The following SYT7 variants were observed in gnomAD, a reference collection of about 807,000 sequenced individuals.
The protein encoded by SYT7 is synaptotagmin-7.
SYT7 carries 29 observed loss-of-function variants against 75.1 expected under a neutral mutation model. The ratio of observed to expected loss-of-function variants is 0.39; its 90% CI spans 0.29 to 0.53. SYT7 has a LOEUF of 0.53. SYT7 is among the 20% of genes least tolerant of loss of function. The pLI is 0.77. For synonymous variants in SYT7, 376 were observed against 401.7 expected (o/e 0.94, Z 0.76); for missense variants, 693 against 953.2 (o/e 0.73, Z 3.59).
intron 1 of SYT7, among the ~76,000 whole-genome samples, chr11:61,557,640 C>A (rs2135357253): frequency 6.6e-6 from 1 of 152,354 alleles, no homozygotes; most frequent in African/African-American, 2.4e-5. Context: ...GAGGCTCCCA[C>A]CTGTCCACCT....
chr11:61,578,332 C>T (rs754049640), intron 1 of SYT7, among the ~76,000 whole-genome samples: 2 of 151,460 alleles, frequency 1.3e-5, no homozygotes, highest in Non-Finnish European at 2.9e-5. Context: ...TCTTCTGGAA[C>T]CAGCATGAGG....
chr11:61,554,937 T>G, intron 2 of SYT7, among the ~76,000 whole-genome samples: 1 of 152,234 alleles, frequency 6.6e-6, no homozygotes, highest in East Asian at 1.9e-4. Context: ...TGGAGCCGCA[T>G]GCTCCCAAGT....
intron 1 of SYT7, among the ~76,000 whole-genome samples, chr11:61,562,575 A>G (rs867145734): frequency 6.6e-6 from 1 of 152,218 alleles, no homozygotes. Flanking sequence ...ATGGTGGTAA[A>G]TGAAATACTG....
intron 12 of SYT7, among the ~76,000 whole-genome samples, chr11:61,521,645 T>A (rs1264130803): frequency 6.6e-6 from 1 of 152,164 alleles, no homozygotes; most frequent in Admixed American, 6.5e-5. Flanking sequence ...TTCCCATCTG[T>A]CTGAGGGTTG....
rs370962448 is a variant in SYT7 at position 61,550,060 on chromosome 11, G to A, written c.215+1324C>T. On this transcript the variant is annotated intron_variant, in intron 3 of 12. Transcript: ENST00000539008. ...GTGCTCCCTCGCCTTCAGAAAGCCC[G>A]GGCCTGCACTCTGCAAGAGCCCCTG... 6.4e-4 allele frequency among the ~76,000 whole-genome samples: 97 copies of A among 152,296 alleles called. No homozygotes were observed. In the East Asian group the frequency reaches 0.014, roughly 22 times the overall value.
intron 1 of SYT7, among the ~76,000 whole-genome samples, chr11:61,562,522 G>A (rs931429638): frequency 7.9e-5 from 12 of 152,166 alleles, no homozygotes; most frequent in African/African-American, 2.7e-4. Context: ...TTATCACATC[G>A]TGCCCTGGAT....
chr11:61,545,664 C>A (rs1232177164), intron 5 of SYT7, among the ~76,000 whole-genome samples: 1 of 152,190 alleles, frequency 6.6e-6, no homozygotes, highest in East Asian at 1.9e-4. Flanking sequence ...GATGGAACAA[C>A]CACAGGCCTG....
At chr11:61,574,804 T>G (rs541979605) in intron 1 of SYT7, among the ~76,000 whole-genome samples, 1 of 152,186 alleles carries the variant, frequency 6.6e-6, no homozygotes, top group East Asian at 1.9e-4. Flanking sequence ...CTCTCTGGCC[T>G]CGCTGACACC....
At chr11:61,575,522 C>T (rs1159167578) in intron 1 of SYT7, among the ~76,000 whole-genome samples, 2 of 152,316 alleles carry the variant, frequency 1.3e-5, no homozygotes, top group East Asian at 3.9e-4. Context: ...TTGTATCTTA[C>T]ACATGAAAGC....
chr11:61,584,272 G>A (rs2064338739), upstream of SYT7, among the ~76,000 whole-genome samples: 1 of 151,904 alleles, frequency 6.6e-6, no homozygotes, highest in African/African-American at 2.4e-5. Context: ...GCATGCGCCT[G>A]TAATCCTAGC....
chr11:61,517,521 A>G lies in SYT7; in HGVS notation c.*1106T>C, dbSNP rs964358447. The G allele has an allele frequency of 7.5e-6, 3 of 399,138 alleles. No homozygotes were observed. The highest frequency in any genetic ancestry group is 1.3e-5 in the Non-Finnish European group (3 of 226,534). 24.7% of individuals were successfully genotyped at this position (399,138 alleles called of 1,614,324 possible). On this transcript the variant is annotated 3_prime_UTR_variant, in exon 13 of 13. Coordinates refer to ENST00000539008, the MANE Select transcript of SYT7 (RefSeq NM_001365809.2). Reference sequence around the variant, plus strand: ...ATGGAAGGTCTACAAGCATTGGGGGATGGAGGGGTGGAGGAAAGAAGGGTG... The same window carrying G: ...ATGGAAGGTCTACAAGCATTGGGGGGTGGAGGGGTGGAGGAAAGAAGGGTG...
chr11:61,532,475 C>T (rs765400332), intron 8 of SYT7, among the ~76,000 whole-genome samples: 1 of 152,110 alleles, frequency 6.6e-6, no homozygotes, highest in East Asian at 1.9e-4. Flanking sequence ...TCAGAGGAGC[C>T]GGGACCAGTG....
intron 5 of SYT7, among the ~76,000 whole-genome samples, chr11:61,545,467 G>C (rs968914078): frequency 6.6e-6 from 1 of 152,246 alleles, no homozygotes; most frequent in Non-Finnish European, 1.5e-5. Context: ...GCGGCTGCTC[G>C]TGAGTGGCTT....
chr11:61,533,507 G>T, intron 7 of SYT7: 1 of 985,452 alleles, frequency 1.0e-6, no homozygotes, highest in Non-Finnish European at 1.2e-6. Flanking sequence ...CAGCCTGGAA[G>T]GGGGAGGCTC....
rs1304767106 is a variant in SYT7, at chr11:61,556,201, G to A, written c.38C>T (p.Pro13Leu). The change falls in exon 2 of 13, where the codon CCC becomes CTC. Residue 13 changes from proline to leucine, a missense_variant. Physicochemically the swap from Pro to Leu is moderately conservative, Grantham distance 98. Transcript: ENST00000539008. ...AGAGACCAGCAGGACGTCGCGCGAG[G>A]GCGCCCCTGGGGAGGACAGGTACAG... ...RDPEAASPGA[P>L]SRDVLLVSAI... The A allele has an allele frequency of 1.9e-6, 3 of 1,612,866 alleles. No homozygotes were observed. The highest frequency in any genetic ancestry group is 2.2e-5 in the East Asian group (1 of 44,856).
Position 61,533,144 on chromosome 11 carries a change from A to G in SYT7, c.1065-20T>C, listed in dbSNP as rs770314361. ...GGCAACCTGAGGGCAGGGGAGTCCA[A>G]ATGAGATTGGGCTGGGAAGTGAGCT... is the stretch of plus-strand genomic sequence containing the variant. On this transcript the variant is annotated intron_variant, in intron 7 of 12. Coordinates refer to ENST00000539008, the MANE Select transcript of SYT7 (RefSeq NM_001365809.2). 4 of 1,563,410 alleles carry G rather than the reference A, an allele frequency of 2.6e-6. No homozygotes were observed. The highest frequency in any genetic ancestry group is 1.4e-5 in the African/African-American group (1 of 73,782).
At chr11:61,552,509 A>C (rs1216065541) in intron 2 of SYT7, among the ~76,000 whole-genome samples, 4 of 151,988 alleles carry the variant, frequency 2.6e-5, no homozygotes, top group African/African-American at 9.7e-5. Flanking sequence ...TGCGCGCACA[A>C]ATGCTTCCCA....
Position 61,576,159 on chromosome 11 carries a change from C to T in SYT7, c.31+4631G>A, listed in dbSNP as rs546670464. On this transcript the variant is annotated intron_variant, in intron 1 of 12. Transcript: ENST00000539008. The surrounding 1 kb of genome is among the most constrained non-coding windows in gnomAD (Gnocchi z 4.1). ...ATGCTGTCTGCCAACTCTGTTCCAG[C>T]CCTTGGGGAATTCTGCTGGGTGAGA... 6.6e-6 allele frequency among the ~76,000 whole-genome samples: 1 copy of T among 152,368 alleles called. No individual in the cohort carries two copies. Among genetic ancestry groups the T allele is most frequent in the Admixed American group, 6.5e-5 (1 of 15,312 alleles).
rs569617470 is a variant in SYT7, at chr11:61,530,569, G to A, written c.1201-2384C>T. 4.6e-5 allele frequency among the ~76,000 whole-genome samples: 7 copies of A among 152,226 alleles called. No homozygotes were observed. In the South Asian group the frequency reaches 1.2e-3, roughly 27 times the overall value. ...GACCTGACCCACTGGCAGAGGGATC[G>A]AGCACCTGGGGCATAGCATGGGTAG... On this transcript the variant is annotated intron_variant, in intron 8 of 12. Coordinates refer to ENST00000539008, the MANE Select transcript of SYT7 (RefSeq NM_001365809.2).
Sources: allele counts gnomAD v4.1 joint callset (sites outside exome capture counted in the v4.1 genomes callset), GRCh38; gene constraint gnomAD v4.1.1; non-coding constraint Gnocchi (gnomAD v3.1); transcripts MANE v1.5; gene names NCBI Gene and HGNC (gene_info 2026-07-23, HGNC 2026-07-21).